Variants in SLC1A2 observed in about 807,000 individuals in gnomAD.
SLC1A2 encodes solute carrier family 1 member 2, also known as excitatory amino acid transporter 2.
SLC1A2 carries 15 observed loss-of-function variants against 48.8 expected under a neutral mutation model. The ratio of observed to expected loss-of-function variants is 0.31; its 90% CI spans 0.21 to 0.47. SLC1A2 has a LOEUF of 0.47. SLC1A2 is among the 20% of genes least tolerant of loss of function. The probability of loss-of-function intolerance (pLI) is 0.99; values close to 1 mark genes in which losing one functional copy is unlikely to be tolerated. For synonymous variants in SLC1A2, 279 were observed against 272.6 expected (o/e 1.02, Z -0.23); for missense variants, 502 against 730.5 (o/e 0.69, Z 3.61).
At chr11:35,281,040 G>C in intron 8 of SLC1A2, 39 bp from the exon 9 acceptor site, 1 of 1,525,782 alleles carries the variant, frequency 6.6e-7, no homozygotes, top group Non-Finnish European at 8.8e-7. Flanking sequence ...GAAATGGAAA[G>C]AATCTTAGCA....
intron 1 of SLC1A2, among the ~76,000 whole-genome samples, chr11:35,411,489 G>GAA (rs1855459227): frequency 6.6e-6 from 1 of 152,114 alleles, no homozygotes; most frequent in Non-Finnish European, 1.5e-5. Context: ...TGCCCAGGTT[G>GAA]GAGTGCAGTG....
At chr11:35,272,952 A>T (rs1334228731) in intron 9 of SLC1A2, among the ~76,000 whole-genome samples, 2 of 152,272 alleles carry the variant, frequency 1.3e-5, no homozygotes, top group South Asian at 4.1e-4. Flanking sequence ...TCTCATCTTC[A>T]TCTCTCAGTC....
At chr11:35,311,849 G>T (rs1470056598) in intron 4 of SLC1A2, among the ~76,000 whole-genome samples, 1 of 127,568 alleles carries the variant, frequency 7.8e-6, no homozygotes, top group Non-Finnish European at 1.6e-5. Context: ...TGCACAAAAA[G>T]GAAAGGAAGA....
chr11:35,350,360 C>T (rs1307011790), intron 1 of SLC1A2, among the ~76,000 whole-genome samples: 1 of 152,132 alleles, frequency 6.6e-6, no homozygotes. Flanking sequence ...ATTTATTGAG[C>T]ATTTATATTA....
chr11:35,411,926 C>T (rs947099329), intron 1 of SLC1A2, among the ~76,000 whole-genome samples: 9 of 151,930 alleles, frequency 5.9e-5, no homozygotes, highest in African/African-American at 1.9e-4. Flanking sequence ...TAAGGCATTG[C>T]CTCTTAAATT....
chr11:35,337,805 C>T (rs571753473), intron 1 of SLC1A2, among the ~76,000 whole-genome samples: 1 of 152,258 alleles, frequency 6.6e-6, no homozygotes, highest in South Asian at 2.1e-4. Context: ...CCCCTGCCTT[C>T]CAGCTCTATG....
intron 1 of SLC1A2, among the ~76,000 whole-genome samples, chr11:35,324,415 A>G (rs140067760): frequency 1.2e-4 from 18 of 152,340 alleles, no homozygotes; most frequent in African/African-American, 4.3e-4. Flanking sequence ...ACATTTAGTC[A>G]TTTGGACAAA....
intron 1 of SLC1A2, among the ~76,000 whole-genome samples, chr11:35,386,592 A>G (rs1051320744): frequency 7.2e-5 from 11 of 152,226 alleles, no homozygotes; most frequent in African/African-American, 2.7e-4. Flanking sequence ...ATCAGTTTAA[A>G]AGGTTGTATT....
At chr11:35,386,356 G>A (rs1404928345) in intron 1 of SLC1A2, among the ~76,000 whole-genome samples, 1 of 151,818 alleles carries the variant, frequency 6.6e-6, no homozygotes, top group Admixed American at 6.6e-5. Flanking sequence ...GAAAAAAAAA[G>A]ATGTCATTTA....
At chr11:35,293,879 A>C (rs1009068058) in intron 6 of SLC1A2, among the ~76,000 whole-genome samples, 2 of 152,216 alleles carry the variant, frequency 1.3e-5, no homozygotes, top group Non-Finnish European at 2.9e-5. Flanking sequence ...TTAGTTATTA[A>C]TATGTGACCA....
At position 35,254,600 on chromosome 11, in the gene SLC1A2, T is replaced by G; in HGVS notation, c.*6294A>C. ...AGAAGAAACAGTGCCCCAGAAGGAG[T>G]GAGGCTCCGACTGCAACATCTCCAT... On this transcript the variant is annotated 3_prime_UTR_variant, in exon 11 of 11. Transcript: ENST00000278379. The G allele has an allele frequency of 6.4e-6, 2 of 311,390 alleles. No individual in the cohort carries two copies. The highest frequency in any genetic ancestry group is 1.3e-5 in the Non-Finnish European group (2 of 159,246). 19.3% of individuals were successfully genotyped at this position (311,390 alleles called of 1,614,324 possible). A position where few individuals can be genotyped will look rare whatever the true frequency, so the allele number is the denominator to read the frequency against.
At chr11:35,341,405 C>T (rs7942395) in intron 1 of SLC1A2, among the ~76,000 whole-genome samples, 59,954 of 152,066 alleles carry the variant, frequency 0.39, 11,890 homozygotes, top group South Asian at 0.54. Flanking sequence ...CTGAAATAGT[C>T]GTATTCACGA....
chr11:35,313,669 C>G (rs554648851), intron 3 of SLC1A2, among the ~76,000 whole-genome samples: 2 of 152,316 alleles, frequency 1.3e-5, no homozygotes, highest in East Asian at 3.9e-4. Flanking sequence ...GGTTTCCCCA[C>G]CAAGTTGGCC....
intron 1 of SLC1A2, among the ~76,000 whole-genome samples, chr11:35,344,451 C>T (rs1852955178): frequency 6.6e-6 from 1 of 152,172 alleles, no homozygotes; most frequent in African/African-American, 2.4e-5. Flanking sequence ...TAGTAGCAAG[C>T]TCTCACTACA....
chr11:35,267,737 T>C lies in SLC1A2; in HGVS notation c.1422-1979A>G, dbSNP rs75650286. Among the ~76,000 whole-genome samples, 13 of 151,040 alleles carry C rather than the reference T, an allele frequency of 8.6e-5. No individual in the cohort carries two copies. The East Asian group carries it at 2.5e-3, about 30-fold the overall frequency. Reference sequence around the variant, plus strand: ...GAGTCATATATCTGTGAAAGGAAAGTAAAATCTCCAGCCCCCAATTTACTA... The same window carrying C: ...GAGTCATATATCTGTGAAAGGAAAGCAAAATCTCCAGCCCCCAATTTACTA... On this transcript the variant is annotated intron_variant, in intron 9 of 10. Transcript: ENST00000278379.
intron 9 of SLC1A2, among the ~76,000 whole-genome samples, chr11:35,273,620 T>C (rs1212070368): frequency 6.6e-6 from 1 of 152,190 alleles, no homozygotes; most frequent in Non-Finnish European, 1.5e-5. Flanking sequence ...GAGCATTTTC[T>C]CTTTTATTCC....
At chr11:35,316,496 G>A (rs1851882204) in intron 2 of SLC1A2, 1 of 152,208 alleles carries the variant, frequency 6.6e-6, no homozygotes, top group Non-Finnish European at 1.5e-5. Flanking sequence ...TTCTTATTAA[G>A]TGAACTTAGC....
intron 8 of SLC1A2, among the ~76,000 whole-genome samples, chr11:35,284,061 T>C (rs1323033021): frequency 7.2e-6 from 1 of 138,988 alleles, no homozygotes; most frequent in Non-Finnish European, 1.5e-5. Context: ...TAGTATATAA[T>C]TCATAGGGTG....
chr11:35,281,070 T>G (rs2134686924), intron 8 of SLC1A2, 69 bp from the exon 9 acceptor site: 1 of 1,455,782 alleles, frequency 6.9e-7, no homozygotes, highest in Admixed American at 2.6e-5. Flanking sequence ...CTGGCAATTT[T>G]AAGCTCTAAT....
Sources: gnomAD v4.1 joint callset for allele counts (sites outside exome capture counted in the v4.1 genomes callset) on GRCh38, gnomAD v4.1.1 for gene constraint, MANE v1.5 for transcripts, NCBI Gene and HGNC (gene_info 2026-07-23, HGNC 2026-07-21) for gene names.